Variants in RIMS2 observed in about 807,000 individuals in gnomAD.
The protein encoded by RIMS2 is regulating synaptic membrane exocytosis protein 2.
Under a neutral mutation model 174.4 loss-of-function variants are expected in RIMS2, and 59 were observed. The ratio of observed to expected loss-of-function variants is 0.34; its 90% CI spans 0.27 to 0.42. The LOEUF is 0.42. Ranked by LOEUF, RIMS2 falls within the 10% of genes least tolerant of loss-of-function variation. The pLI is 1.00. For missense variants in RIMS2, 1,620 were observed against 1,666.3 expected, an observed-to-expected ratio of 0.97 and a Z score of 0.48; for synonymous variants, 606 against 572.5, an observed-to-expected ratio of 1.06 and a Z score of -0.84.
At chr8:103,968,953 A>G (rs1039132500) in intron 15 of RIMS2, among the ~76,000 whole-genome samples, 1 of 151,954 alleles carries the variant, frequency 6.6e-6, no homozygotes, top group Non-Finnish European at 1.5e-5. Flanking sequence ...TTTCTCCTTC[A>G]CTTTTGAAGG....
chr8:103,746,491 G>T (rs1021939285), intron 2 of RIMS2, among the ~76,000 whole-genome samples: 1 of 151,982 alleles, frequency 6.6e-6, no homozygotes, highest in Admixed American at 6.6e-5. Context: ...ACATGTTCAG[G>T]TTTGTTACAT....
Position 103,527,214 on chromosome 8 carries a change from A to T in RIMS2, c.176+26152A>T, listed in dbSNP as rs1039094188. ...CCTTATCAGACATATAAAGCCAGAG[A>T]TATGTCACCAGCTTCCCACACTTAA... On this transcript the variant is annotated intron_variant, in intron 1 of 23. Transcript: ENST00000504942. 3.9e-5 allele frequency among the ~76,000 whole-genome samples: 6 copies of T among 152,120 alleles called. 1 individual carries two copies. The highest frequency in any genetic ancestry group is 1.3e-4 in the Admixed American group (2 of 15,272).
At chr8:103,850,973 G>A (rs1471258890) in intron 3 of RIMS2, among the ~76,000 whole-genome samples, 2 of 151,952 alleles carry the variant, frequency 1.3e-5, no homozygotes, top group African/African-American at 4.8e-5. Context: ...TTAGATAAAT[G>A]CTAAAGAATA....
At chr8:104,255,289 C>T (rs2099366280), downstream of RIMS2, 1 of 136,012 alleles carries the variant, frequency 7.4e-6, no homozygotes, top group African/African-American at 3.1e-5. Flanking sequence ...TGTATATGAA[C>T]AACATTTTCC....
intron 3 of RIMS2, among the ~76,000 whole-genome samples, chr8:103,865,752 G>C (rs2099081731): frequency 6.6e-6 from 1 of 152,044 alleles, no homozygotes; most frequent in African/African-American, 2.4e-5. Flanking sequence ...GACAGAAATA[G>C]AAGATTACTG....
chr8:103,868,260 A>G (rs2099093197), intron 3 of RIMS2, among the ~76,000 whole-genome samples: 1 of 152,082 alleles, frequency 6.6e-6, no homozygotes, highest in Admixed American at 6.5e-5. Flanking sequence ...GTGATGATGA[A>G]AACTACAAGG....
At chr8:103,614,753 C>G (rs2095467626) in intron 1 of RIMS2, among the ~76,000 whole-genome samples, 1 of 152,160 alleles carries the variant, frequency 6.6e-6, no homozygotes, top group Non-Finnish European at 1.5e-5. Flanking sequence ...CTTTCTACCT[C>G]CATAAAAAGA....
intron 19 of RIMS2, among the ~76,000 whole-genome samples, chr8:104,202,584 G>A (rs990859464): frequency 2.6e-5 from 4 of 152,214 alleles, no homozygotes; most frequent in Admixed American, 2.0e-4. Context: ...CAGCAGGATT[G>A]GTTTCCTCTG....
rs144619796 is a variant in RIMS2, at chr8:103,593,440, C to A, written c.176+92378C>A. ...TTCATTGATATGGTTTTGGTTTTTG[C>A]ATACAGTTAACCTTTCTGAAACGAC... On this transcript the variant is annotated intron_variant, in intron 1 of 23. Transcript: ENST00000504942. Among the ~76,000 whole-genome samples, 935 of 151,548 alleles carry A rather than the reference C, an allele frequency of 6.2e-3. 12 individuals are homozygous for A. The highest frequency in any genetic ancestry group is 0.021 in the African/African-American group (885 of 41,480).
chr8:103,710,545 T>A (rs12543980), intron 2 of RIMS2, among the ~76,000 whole-genome samples: 20,468 of 152,156 alleles, frequency 0.13, 1,463 homozygotes, highest in Middle Eastern at 0.23. Flanking sequence ...TATTTTGTAA[T>A]TATTGGATAG....
At chr8:104,205,417 T>C (rs1313253138) in intron 19 of RIMS2, among the ~76,000 whole-genome samples, 1 of 152,158 alleles carries the variant, frequency 6.6e-6, no homozygotes, top group Non-Finnish European at 1.5e-5. Context: ...TGATTTACAT[T>C]GTAATTTTTT....
At chr8:103,502,222 T>G (rs1391858003) in intron 1 of RIMS2, among the ~76,000 whole-genome samples, 6 of 152,216 alleles carry the variant, frequency 3.9e-5, no homozygotes, top group Non-Finnish European at 8.8e-5. Context: ...ACTAATACAC[T>G]CACCTCTATT....
At chr8:103,843,039 C>CTAAT (rs1305659258) in intron 3 of RIMS2, among the ~76,000 whole-genome samples, 18 of 152,104 alleles carry the variant, frequency 1.2e-4, no homozygotes, top group African/African-American at 4.1e-4. Context: ...TAGGACCCAC[C>CTAAT]CCAGTGGTCT....
intron 19 of RIMS2, chr8:104,093,500 G>A: frequency 1.3e-6 from 2 of 1,596,978 alleles, no homozygotes; most frequent in African/African-American, 1.3e-5. Context: ...CTCATAGAGG[G>A]GCAGATAATG....
At chr8:103,576,567 A>G (rs1328503722) in intron 1 of RIMS2, among the ~76,000 whole-genome samples, 2 of 152,324 alleles carry the variant, frequency 1.3e-5, no homozygotes, top group Non-Finnish European at 2.9e-5. Context: ...AGGAATCTAA[A>G]TGATCTCCAA....
chr8:103,753,194 A>C (rs1378642786), intron 2 of RIMS2, among the ~76,000 whole-genome samples: 1 of 152,106 alleles, frequency 6.6e-6, no homozygotes, highest in East Asian at 1.9e-4. Context: ...TGAGATAATC[A>C]TGTGGTTTTT....
At chr8:103,996,048 G>C (rs1259660737) in intron 17 of RIMS2, among the ~76,000 whole-genome samples, 1 of 151,874 alleles carries the variant, frequency 6.6e-6, no homozygotes, top group Non-Finnish European at 1.5e-5. Flanking sequence ...AAAAGGAATA[G>C]CTGAAGTATT....
chr8:103,553,004 T>C (rs1196358862), intron 1 of RIMS2, among the ~76,000 whole-genome samples: 1 of 152,164 alleles, frequency 6.6e-6, no homozygotes, highest in Non-Finnish European at 1.5e-5. Flanking sequence ...GGTGGGACTG[T>C]AAACTAGTTC....
chr8:103,543,338 A>T (rs1391433354), intron 1 of RIMS2, among the ~76,000 whole-genome samples: 1 of 152,188 alleles, frequency 6.6e-6, no homozygotes, highest in Admixed American at 6.5e-5. Flanking sequence ...GAAAAGTATA[A>T]AACATTGATG....
Sources: allele counts gnomAD v4.1 joint callset (sites outside exome capture counted in the v4.1 genomes callset), GRCh38; gene constraint gnomAD v4.1.1; transcripts MANE v1.5; gene names NCBI Gene and HGNC (gene_info 2026-07-23, HGNC 2026-07-21).